GALNS: variants seen among roughly 807,000 people sequenced by gnomAD.
GALNS encodes N-acetylgalactosamine-6-sulfatase.
A neutral mutation model predicts 65.9 loss-of-function variants in GALNS; 65 were observed. That is an observed-to-expected ratio of 0.99 (90% CI 0.81 to 1.21). The LOEUF (loss-of-function observed/expected upper bound fraction) is 1.21, where lower values mean the gene tolerates loss of function less well. Ranked by LOEUF, GALNS falls within the 50% of genes most tolerant of loss-of-function variation. The pLI is 0.00. For missense variants in GALNS, 776 were observed against 700.7 expected (o/e 1.11, Z -1.21); for synonymous variants, 346 against 288.9 (o/e 1.20, Z -2.00).
intron 13 of GALNS, chr16:88,816,104 A>G (rs1020916871): frequency 1.0e-6 from 1 of 985,306 alleles, no homozygotes; most frequent in South Asian, 4.7e-5. Context: ...CCAGTGGCTC[A>G]GCTCGCCAGG....
rs2143013504 is a variant in GALNS, at chr16:88,856,763, C to A, written c.115G>T (p.Asp39Tyr). Residue 39 changes from aspartate (D) to tyrosine (Y), a missense_variant, in exon 1 of 14, where the codon GAC (aspartate) becomes TAC (tyrosine). Physicochemically the swap from Asp to Tyr is radical, Grantham distance 160 (BLOSUM62 -3). Coordinates refer to ENST00000268695, the MANE Select transcript of GALNS (RefSeq NM_000512.5). ...GTCCCACCGCCCGCACTCACGTCGT[C>A]CATGAGCAGGAGCAGGATGTTGGGG... ...QPPNILLLLM[D>Y]DMGWGDLGVY... 6.5e-7 allele frequency: 1 copy of A among 1,535,952 alleles called. No homozygotes were observed. The highest frequency in any genetic ancestry group is 1.2e-5 in the South Asian group (1 of 84,264).
Position 88,835,818 on chromosome 16 carries a change from C to G in GALNS, c.665G>C (p.Arg222Pro). Residue 222 changes from arginine to proline, a missense_variant, in exon 7 of 14, where the codon CGG (arginine) becomes CCG (proline). By Grantham distance (103) the Arg-to-Pro change is moderately radical. Transcript: ENST00000268695. ...CCAGTAGAGGAAAAAGGGGTGGTGC[C>G]GTGCCTGTCTCTTAATGAAGTCCAG... ...EALDFIKRQA[R>P]HHPFFLYWAV... 6.2e-7 allele frequency: 1 copy of G among 1,614,150 alleles called. No individual in the cohort carries two copies. Among genetic ancestry groups the G allele is most frequent in the Non-Finnish European group, 8.5e-7 (1 of 1,180,022 alleles).
rs113759612 is a variant in GALNS, at chr16:88,851,441, T to C, written c.120+5317A>G. Among the ~76,000 whole-genome samples the C allele has an allele frequency of 4.1e-3, 622 of 152,202 alleles. 2 individuals carry two copies. Among genetic ancestry groups the C allele is most frequent in the African/African-American group, 0.013 (555 of 41,522 alleles). On this transcript the variant is annotated intron_variant, in intron 1 of 13. Coordinates refer to ENST00000268695, the MANE Select transcript of GALNS (RefSeq NM_000512.5). ...CTCCGGGCTGCAGCTCCCAGCGTGA[T>C]TGACGCAGAAGACGGCGATTTCTGC...
intron 13 of GALNS, chr16:88,816,337 CAGA>C: frequency 2.0e-6 from 2 of 985,440 alleles, no homozygotes; most frequent in Non-Finnish European, 2.4e-6. Flanking sequence ...GTGTGGAAGG[CAGA>C]AGGCCAGGGC....
In GALNS at chr16:88,841,919, G is replaced by T; in HGVS notation, c.297C>A (p.Thr99=). 6.2e-7 allele frequency: 1 copy of T among 1,613,520 alleles called. No individual in the cohort carries two copies. Among genetic ancestry groups the T allele is most frequent in the Admixed American group, 1.7e-5 (1 of 59,950 alleles). The change falls in exon 3 of 14, where the codon ACC becomes ACA. Residue 99 remains threonine, a synonymous_variant. Transcript: ENST00000268695. ...TACCGTTTCTGGCATGGGCGTTGGTGGTGTAGAAGCCATTGCGGATGGGTA... is the reference window on the plus strand; with the variant it reads ...TACCGTTTCTGGCATGGGCGTTGGTTGTGTAGAAGCCATTGCGGATGGGTA... ...GRLPIRNGFY[T]TNAHARNAYT...
In GALNS at chr16:88,816,768, G is replaced by A. The variant is rs150770385; in HGVS notation, c.1482+1239C>T. On this transcript the variant is annotated intron_variant, in intron 13 of 13. Transcript: ENST00000268695. ...ACCCAGCGGCTCCCACGCTGCAGCC[G>A]GGTCTGGCCCTGGAAAGAGGCTTCA... The A allele has an allele frequency of 9.9e-4, 973 of 985,426 alleles. 2 individuals are homozygous for A. Among genetic ancestry groups the A allele is most frequent in the Non-Finnish European group, 1.1e-3 (914 of 829,918 alleles). 61.0% of individuals were successfully genotyped at this position (985,426 alleles called of 1,614,324 possible).
At chr16:88,817,868 A>T in intron 13 of GALNS, 139 bp downstream of exon 13, 2 of 786,462 alleles carry the variant, frequency 2.5e-6, no homozygotes, top group South Asian at 1.5e-5. Flanking sequence ...GTGTGCTCTG[A>T]GGCACGAGGG....
At chr16:88,815,124 G>A (rs1337163670) in intron 13 of GALNS, 6 of 985,354 alleles carry the variant, frequency 6.1e-6, no homozygotes, top group Non-Finnish European at 7.2e-6. Flanking sequence ...CAGGTGGGCA[G>A]CTACACAGAC....
chr16:88,831,733 C>T (rs867110861), intron 9 of GALNS, among the ~76,000 whole-genome samples: 1 of 16,246 alleles, frequency 6.2e-5, no homozygotes, highest in Non-Finnish European at 1.2e-4. Context: ...AGGCCGAGCA[C>T]GGGGTGCGTG....
At chr16:88,826,887 T>G (rs114113199) in intron 9 of GALNS, 49 bp from the exon 10 acceptor site, 3 of 1,550,426 alleles carry the variant, frequency 1.9e-6, no homozygotes, top group Non-Finnish European at 2.6e-6. Context: ...ACCGACCCGA[T>G]GGGGCTGGGG....
At chr16:88,822,096 C>A (rs553314129) in intron 12 of GALNS, among the ~76,000 whole-genome samples, 7 of 152,298 alleles carry the variant, frequency 4.6e-5, no homozygotes, top group Non-Finnish European at 8.8e-5. Context: ...GCGACCATGA[C>A]CCTCAAGACT....
chr16:88,847,063 C>A (rs1967278537), intron 1 of GALNS, among the ~76,000 whole-genome samples: 2 of 152,176 alleles, frequency 1.3e-5, no homozygotes, highest in Non-Finnish European at 2.9e-5. Context: ...TGTCTGGCAG[C>A]CAAAGCCTTC....
chr16:88,832,189 C>T, intron 8 of GALNS, 88 bp from the exon 9 acceptor site: 2 of 1,226,036 alleles, frequency 1.6e-6, no homozygotes, highest in East Asian at 2.5e-5. Context: ...TGAGACTGGT[C>T]ATAGGGACAA....
chr16:88,821,119 T>C (rs78408219), intron 12 of GALNS, among the ~76,000 whole-genome samples: 2 of 152,056 alleles, frequency 1.3e-5, no homozygotes, highest in East Asian at 3.9e-4. Context: ...CCCCACAACA[T>C]ATGACCATGA....
chr16:88,834,049 G>A (rs963173844), intron 8 of GALNS, among the ~76,000 whole-genome samples: 1 of 152,030 alleles, frequency 6.6e-6, no homozygotes, highest in Non-Finnish European at 1.5e-5. Context: ...CCTGGGAGCT[G>A]CCTGTAGCCC....
intron 1 of GALNS, chr16:88,855,633 T>G: frequency 1.6e-6 from 1 of 612,412 alleles, no homozygotes; most frequent in East Asian, 2.8e-5. Flanking sequence ...CAAGTATATC[T>G]TTATGTTAAA....
chr16:88,819,477 G>A (rs1055815020), intron 12 of GALNS, among the ~76,000 whole-genome samples: 12 of 152,348 alleles, frequency 7.9e-5, no homozygotes, highest in African/African-American at 2.9e-4. Flanking sequence ...AACTGCACGT[G>A]CACTTTCTGA....
At chr16:88,855,469 G>T in intron 1 of GALNS, 1 of 702,844 alleles carries the variant, frequency 1.4e-6, no homozygotes, top group Non-Finnish European at 2.6e-6. Flanking sequence ...CCCGGCTACT[G>T]CTGTCAGGAC....
At chr16:88,823,108 T>C (rs975766894) in intron 11 of GALNS, among the ~76,000 whole-genome samples, 2 of 151,878 alleles carry the variant, frequency 1.3e-5, no homozygotes, top group African/African-American at 4.8e-5. Context: ...ACTAATTTCA[T>C]GGAGGAAAGC....
Sources: allele counts gnomAD v4.1 joint callset (sites outside exome capture counted in the v4.1 genomes callset), GRCh38; gene constraint gnomAD v4.1.1; transcripts MANE v1.5; gene names NCBI Gene and HGNC (gene_info 2026-07-23, HGNC 2026-07-21).